Variants in FLII observed in about 807,000 individuals in gnomAD.
The protein encoded by FLII is FLII actin remodeling protein.
FLII carries 101 observed loss-of-function variants against 156.2 expected under a neutral mutation model. The observed-to-expected ratio is 0.65, with a 90% confidence interval of 0.55 to 0.76. The LOEUF (loss-of-function observed/expected upper bound fraction) is 0.76. Among genes scored for constraint, FLII ranks in the 30% least tolerant of loss-of-function variants. The probability of loss-of-function intolerance (pLI) is 0.00; values close to 1 mark genes in which losing one functional copy is unlikely to be tolerated. For missense variants in FLII, 1,675 were observed against 1,682.8 expected (o/e 1.00, Z 0.08); for synonymous variants, 767 against 685.8 (o/e 1.12, Z -1.85).
rs752372422 is a variant in FLII, at chr17:18,245,369, G to A, written c.3660C>T (p.Ser1220=). Residue 1220 remains serine (S), a synonymous_variant, in exon 29 of 30, where the codon AGC becomes AGT. Transcript: ENST00000327031. ...TQTSQVEIKL[S]LKACQVYIQH... The stretch of plus-strand genomic sequence containing the variant: ...CCCAGATTACCTGGCAGGCCTTCAG[G>A]CTCAGCTTGATCTCCACCTGGCTAG... 1.9e-5 allele frequency: 30 copies of A among 1,614,072 alleles called. No homozygotes were observed. Among genetic ancestry groups the A allele is most frequent in the Non-Finnish European group, 5.1e-6 (6 of 1,180,032 alleles).
rs1188054859 is a variant in FLII, at chr17:18,245,404, C to G, written c.3625G>C (p.Gly1209Arg). ...DNGQEVYMWV[G>R]TQTSQVEIKL... Reference sequence around the variant, plus strand: ...ATCTCCACCTGGCTAGTCTGGGTCCCCACCCACATGTAGACCTGTGGGGGC... The same window carrying G: ...ATCTCCACCTGGCTAGTCTGGGTCCGCACCCACATGTAGACCTGTGGGGGC... The change falls in exon 29 of 30, where the codon GGG becomes CGG. Residue 1209 changes from glycine to arginine, a missense_variant. By Grantham distance (125) the Gly-to-Arg change is moderately radical. Coordinates refer to ENST00000327031, the MANE Select transcript of FLII (RefSeq NM_002018.4). The G allele has an allele frequency of 6.2e-7, 1 of 1,614,072 alleles. No homozygotes were observed. Among genetic ancestry groups the G allele is most frequent in the Admixed American group, 1.7e-5 (1 of 60,010 alleles).
rs746651972 is a variant in FLII at position 18,247,139 on chromosome 17, C to G, written c.2676+30G>C. The G allele has an allele frequency of 8.9e-5, 116 of 1,305,610 alleles. No homozygotes were observed. In the Admixed American group the frequency reaches 2.2e-3, roughly 25 times the overall value. The allele number at this position is 1,305,610 out of a possible 1,614,324, so 80.9% of individuals were successfully genotyped here. On this transcript the variant is annotated intron_variant, in intron 21 of 29. Coordinates refer to ENST00000327031, the MANE Select transcript of FLII (RefSeq NM_002018.4). ...CCTCGGCCTGCCCCCCACCCCCCCC[C>G]CCGCGCCCCGGTCCCGGCCCTGCCC... is the stretch of plus-strand genomic sequence containing the variant.
rs768470314 is a variant in FLII at position 18,251,785 on chromosome 17, G to A, written c.1278C>T (p.Arg426=). ...AGSGPKDPMA[R]KMRLRRRKDS... ...CCTTGCGCCTCCGCAGTCGCATCTTGCGAGCCATAGGGTCCTTGGGCCCAC... is the reference window on the plus strand; with the variant it reads ...CCTTGCGCCTCCGCAGTCGCATCTTACGAGCCATAGGGTCCTTGGGCCCAC... Residue 426 remains arginine (R), a synonymous_variant, in exon 12 of 30, where the codon CGC becomes CGT. Coordinates refer to ENST00000327031, the MANE Select transcript of FLII (RefSeq NM_002018.4). 1.2e-6 allele frequency: 2 copies of A among 1,613,772 alleles called. No homozygotes were observed. The highest frequency in any genetic ancestry group is 1.1e-5 in the South Asian group (1 of 91,090).
In FLII at chr17:18,246,336, G is replaced by T. The variant is rs375498127; in HGVS notation, c.3178C>A (p.Arg1060Ser). ...GTGCAGAGGGCGCTGCCGTTGGTGC[G>T]GATCTGGTAGAGGCTGGGCTGTTGG... The part of the protein sequence containing the change: ...GAQQPSLYQI[R>S]TNGSALCTRC... The change falls in exon 24 of 30, where the codon CGC becomes AGC. Residue 1060 changes from arginine to serine, a missense_variant. Arg to Ser is a moderately radical substitution (Grantham distance 110, BLOSUM62 -1). Transcript: ENST00000327031. 1.2e-6 allele frequency: 2 copies of T among 1,613,688 alleles called. No individual in the cohort carries two copies. The highest frequency in any genetic ancestry group is 1.7e-5 in the Admixed American group (1 of 60,014).
Position 18,245,664 on chromosome 17 carries a change from G to A in FLII, c.3504-4C>T. On this transcript the variant is annotated splice_region_variant and splice_polypyrimidine_tract_variant and intron_variant, in intron 27 of 29. Transcript: ENST00000327031. ...GTAGCCCTTCTCGTTGGAGCACCTG[G>A]GAATCAAGGGTCAAGGTGAGGCCAG... 2 of 1,613,556 alleles carry A rather than the reference G, an allele frequency of 1.2e-6. No homozygotes were observed. The highest frequency in any genetic ancestry group is 1.7e-6 in the Non-Finnish European group (2 of 1,179,846).
In FLII at chr17:18,248,585, C is replaced by T. The variant is rs2048161986; in HGVS notation, c.2155G>A (p.Glu719Lys). ...EPSEIKKHVPEDFWPPQPKLY... is the reference protein window; with the variant it reads ...EPSEIKKHVPKDFWPPQPKLY... ...TTGGGCTGCGGCGGCCAGAAGTCTT[C>T]AGGCACGTGCTTCTTGATCTCAGAG... Residue 719 changes from glutamate to lysine, a missense_variant, in exon 18 of 30, where the codon GAA (glutamate) becomes AAA (lysine). Around this residue, in one of 2 missense-constraint regions of FLII, gnomAD observed 1,332 missense variants for 1,269.3 expected, o/e 1.05. Coordinates refer to ENST00000327031, the MANE Select transcript of FLII (RefSeq NM_002018.4). The T allele has an allele frequency of 6.2e-7, 1 of 1,612,946 alleles. No homozygotes were observed. Among genetic ancestry groups the T allele is most frequent in the African/African-American group, 1.3e-5 (1 of 74,904 alleles).
rs138466999 is a variant in FLII at position 18,250,848 on chromosome 17, T to A, written c.1766A>T (p.Glu589Val). The A allele has an allele frequency of 1.2e-6, 2 of 1,612,458 alleles. No homozygotes were observed. Among genetic ancestry groups the A allele is most frequent in the Non-Finnish European group, 1.7e-6 (2 of 1,178,976 alleles). The change falls in exon 14 of 30, where the codon GAG becomes GTG. Residue 589 changes from glutamate (E) to valine (V), a missense_variant. Physicochemically the swap from Glu to Val is moderately radical, Grantham distance 121. Coordinates refer to ENST00000327031, the MANE Select transcript of FLII (RefSeq NM_002018.4). ...TTAACGGGCTGGCACCTGCAGGAAC[T>A]CCTCGCTCTCATCGCCCATCTCCTC... ...VREEMGDESE[E>V]FLQVFDNDIS... is the part of the protein sequence containing the mutation.
Position 18,258,353 on chromosome 17 carries a change from A to ACGGACGCGGGGTGTTCT in FLII, c.63+274_63+275insAGAACACCCCGCGTCCG. On this transcript the variant is annotated intron_variant, in intron 1 of 29. Transcript: ENST00000327031. This position sits in a 1 kb window ranked among gnomAD's most constrained non-coding sequence, Gnocchi z 4.2. ...CCACCATCCAGCCTAGACCGAGAAC[A>ACGGACGCGGGGTGTTCT]CGGACGCGGGGTGGGGGCTCCCGGC... is the stretch of plus-strand genomic sequence containing the variant. 1 of 806,336 alleles carries ACGGACGCGGGGTGTTCT rather than the reference A, an allele frequency of 1.2e-6. No individual in the cohort carries two copies. Among genetic ancestry groups the ACGGACGCGGGGTGTTCT allele is most frequent in the Non-Finnish European group, 1.9e-6 (1 of 528,990 alleles). 49.9% of individuals were successfully genotyped at this position (806,336 alleles called of 1,614,324 possible).
In FLII at chr17:18,253,628, C is replaced by G. The variant is rs547560301; in HGVS notation, c.771G>C (p.Gln257His). The G allele has an allele frequency of 1.9e-6, 3 of 1,614,102 alleles. No individual in the cohort carries two copies. Among genetic ancestry groups the G allele is most frequent in the Non-Finnish European group, 2.5e-6 (3 of 1,180,032 alleles). Residue 257 changes from glutamine to histidine, a missense_variant, in exon 8 of 30, where the codon CAG (glutamine) becomes CAC (histidine). This residue lies in a region of FLII where 343 missense variants were observed against 413.5 expected (regional missense o/e 0.83). Coordinates refer to ENST00000327031, the MANE Select transcript of FLII (RefSeq NM_002018.4). ...CTATGCACAGGGACAGCTCCGTGAT[C>G]TGGTTGCTGCTGAGGTTGAGGCGGC... is the stretch of plus-strand genomic sequence containing the variant. ...SLRRLNLSSN[Q>H]ITELSLCIDQ...
rs1436346740 is a variant in FLII, at chr17:18,245,138, T to A, written c.3810A>T (p.Ter1270TyrextTer10). The change falls in exon 30 of 30, where the codon TAA becomes TAT. Residue 1270 changes from the stop codon to tyrosine (Y), a stop_lost. Transcript: ENST00000327031. ...AWSAFCKALA[*>Y] Reference sequence around the variant, plus strand: ...AAGCCTGGGGCTGTGCCAGCCTGTCTTAGGCCAGGGCCTTGCAGAAGGCGC... The same window carrying A: ...AAGCCTGGGGCTGTGCCAGCCTGTCATAGGCCAGGGCCTTGCAGAAGGCGC... 2 of 1,611,138 alleles carry A rather than the reference T, an allele frequency of 1.2e-6. No individual in the cohort carries two copies. Among genetic ancestry groups the A allele is most frequent in the South Asian group, 2.2e-5 (2 of 90,892 alleles).
chr17:18,251,459 C>A lies in FLII; in HGVS notation c.1402G>T (p.Ala468Ser). The change falls in exon 13 of 30, where the codon GCC (alanine) becomes TCC (serine). Residue 468 changes from alanine to serine, a missense_variant. By Grantham distance (99) the Ala-to-Ser change is moderately conservative. Coordinates refer to ENST00000327031, the MANE Select transcript of FLII (RefSeq NM_002018.4). Reference protein sequence around the residue: ...KKQEESADARAPSGKVRRWDQ... With the variant: ...KKQEESADARSPSGKVRRWDQ... ...CAACGCCGCACCTTCCCGCTGGGGG[C>A]CCGGGCATCTGCGCTCTCCTGGGGG... is the stretch of plus-strand genomic sequence containing the variant. 1 of 1,607,466 alleles carries A rather than the reference C, an allele frequency of 6.2e-7. No homozygotes were observed.
rs555556653 is a variant in FLII at position 18,251,432 on chromosome 17, C to G, written c.1429G>C (p.Asp477His). ...AGGCGGGGCTTCTCCAGGCCCTGGT[C>G]CCAACGCCGCACCTTCCCGCTGGGG... ...RAPSGKVRRW[D>H]QGLEKPRLDY... Residue 477 changes from aspartate to histidine, a missense_variant, in exon 13 of 30, where the codon GAC (aspartate) becomes CAC (histidine). Physicochemically the swap from Asp to His is moderately conservative, Grantham distance 81. This residue lies in a region of FLII where 1,332 missense variants were observed against 1,269.3 expected (regional missense o/e 1.05). Transcript: ENST00000327031. 2.5e-5 allele frequency: 41 copies of G among 1,612,144 alleles called. 1 individual carries two copies. The South Asian group carries it at 4.5e-4, about 18-fold the overall frequency.
In FLII at chr17:18,247,946, T is replaced by A; in HGVS notation, c.2278A>T (p.Met760Leu). 1.2e-6 allele frequency: 2 copies of A among 1,614,120 alleles called. No individual in the cohort carries two copies. The highest frequency in any genetic ancestry group is 1.3e-5 in the African/African-American group (1 of 75,064). The change falls in exon 19 of 30, where the codon ATG becomes TTG. Residue 760 changes from methionine to leucine, a missense_variant. Around this residue, in one of 2 missense-constraint regions of FLII, gnomAD observed 1,332 missense variants for 1,269.3 expected, o/e 1.05. Transcript: ENST00000327031. ...EHKQRPKVEL[M>L]PRMRLLQSLL... is the part of the protein sequence containing the mutation. ...TCTCTTACCAGCCGCATTCTTGGCATCAGCTCCACCTTGGGACGCTGCTTA... is the reference window on the plus strand; with the variant it reads ...TCTCTTACCAGCCGCATTCTTGGCAACAGCTCCACCTTGGGACGCTGCTTA...
chr17:18,256,675 AC>A, intron 2 of FLII, 78 bp from the exon 3 acceptor site: 1 of 1,319,744 alleles, frequency 7.6e-7, no homozygotes, highest in Non-Finnish European at 1.1e-6. Flanking sequence ...ACAACTCTGC[AC>A]CATCCAGGAA....
At chr17:18,245,500 T>C (rs568418687) in intron 28 of FLII, 55 bp downstream of exon 28, 6 of 1,611,044 alleles carry the variant, frequency 3.7e-6, no homozygotes, top group Non-Finnish European at 5.1e-6. Context: ...TTCCCATTTG[T>C]AAGTAAGTCT....
chr17:18,247,124 CCCCCCA>C (rs766514640), intron 21 of FLII, 39 bp downstream of exon 21: 38 of 621,912 alleles, frequency 6.1e-5, no homozygotes, highest in African/African-American at 4.9e-4. Context: ...CCTCGGCCTG[CCCCCCA>C]CCCCCCCCCC....
chr17:18,247,128 C>T (rs770642341), intron 21 of FLII, 41 bp downstream of exon 21: 3 of 734,796 alleles, frequency 4.1e-6, no homozygotes, highest in African/African-American at 2.3e-5. Context: ...GGCCTGCCCC[C>T]CACCCCCCCC....
rs774980268 is a variant in FLII at position 18,248,726 on chromosome 17, G to C, written c.2019-5C>G. Reference sequence around the variant, plus strand: ...TTAATTTTCTCTGCAAAGAGCCTGAGAGCAGGATGCAAAGTCATCAGCGAG... The same window carrying C: ...TTAATTTTCTCTGCAAAGAGCCTGACAGCAGGATGCAAAGTCATCAGCGAG... On this transcript the variant is annotated splice_region_variant and splice_polypyrimidine_tract_variant and intron_variant, in intron 17 of 29. Coordinates refer to ENST00000327031, the MANE Select transcript of FLII (RefSeq NM_002018.4). 1.2e-6 allele frequency: 2 copies of C among 1,613,714 alleles called. No individual in the cohort carries two copies. Among genetic ancestry groups the C allele is most frequent in the South Asian group, 1.1e-5 (1 of 91,086 alleles).
intron 3 of FLII, among the ~76,000 whole-genome samples, chr17:18,256,307 CT>C (rs1478503701): frequency 5.9e-5 from 9 of 152,228 alleles, no homozygotes; most frequent in Non-Finnish European, 2.9e-5. Context: ...ATTTCTTTAC[CT>C]TTTTCCTGAT....
Sources: allele counts gnomAD v4.1 joint callset (sites outside exome capture counted in the v4.1 genomes callset), GRCh38; gene constraint gnomAD v4.1.1; regional missense constraint gnomAD v4.1.1; non-coding constraint Gnocchi (gnomAD v3.1); transcripts MANE v1.5; gene names NCBI Gene and HGNC (gene_info 2026-07-23, HGNC 2026-07-21).